Variants in HRH2 observed in about 807,000 individuals in gnomAD.
HRH2 encodes histamine H2 receptor.
Under a neutral mutation model 20.1 loss-of-function variants are expected in HRH2, and 4 were observed. The ratio of observed to expected loss-of-function variants is 0.20; its 90% CI spans 0.10 to 0.45. HRH2 has a LOEUF of 0.45. HRH2 is among the 20% of genes least tolerant of loss of function. The pLI, the probability that HRH2 is intolerant of heterozygous loss-of-function variation, is 0.99. For missense variants in HRH2, 250 were observed against 461.6 expected, an observed-to-expected ratio of 0.54 and a Z score of 4.20; for synonymous variants, 197 against 200.7, an observed-to-expected ratio of 0.98 and a Z score of 0.16.
chr5:175,680,257 C>T (rs1755916004), intron 1 of HRH2, among the ~76,000 whole-genome samples: 1 of 152,196 alleles, frequency 6.6e-6, no homozygotes, highest in South Asian at 2.1e-4. Flanking sequence ...ATCTAAGTGA[C>T]CTAGAGGGCC....
intron 2 of HRH2, among the ~76,000 whole-genome samples, chr5:175,694,166 G>T (rs975034880): frequency 6.6e-6 from 1 of 152,174 alleles, no homozygotes; most frequent in African/African-American, 2.4e-5. Flanking sequence ...GTGCCCAGGT[G>T]TAAGATACTT....
At chr5:175,679,299 AC>A (rs1755875458) in intron 1 of HRH2, among the ~76,000 whole-genome samples, 1 of 152,144 alleles carries the variant, frequency 6.6e-6, no homozygotes, top group African/African-American at 2.4e-5. Flanking sequence ...GATTAAAAAA[AC>A]ACCCCCTTTC....
intron 2 of HRH2, chr5:175,685,339 A>G (rs1756134256): frequency 1.4e-6 from 2 of 1,413,708 alleles, no homozygotes; most frequent in Non-Finnish European, 1.9e-6. Context: ...AGCAAATGAA[A>G]GAATGCTCAG....
chr5:175,674,222 G>T (rs957932082), intron 1 of HRH2, among the ~76,000 whole-genome samples: 3 of 152,052 alleles, frequency 2.0e-5, no homozygotes, highest in East Asian at 3.9e-4. Flanking sequence ...TCTGCGGCAG[G>T]GGGGGTCTGG....
chr5:175,697,801 C>T (rs1756653481), intron 2 of HRH2, among the ~76,000 whole-genome samples: 1 of 152,226 alleles, frequency 6.6e-6, no homozygotes, highest in Admixed American at 6.5e-5. Context: ...TCTCTTCAGC[C>T]CCATACTTCT....
chr5:175,669,453 T>A (rs1190680751), intron 1 of HRH2, among the ~76,000 whole-genome samples: 1 of 151,590 alleles, frequency 6.6e-6, no homozygotes, highest in African/African-American at 2.4e-5. Flanking sequence ...AACCTCCGCC[T>A]GCCAGGTTCA....
intron 1 of HRH2, among the ~76,000 whole-genome samples, chr5:175,678,918 G>A (rs1023228700): frequency 1.3e-5 from 2 of 152,214 alleles, no homozygotes; most frequent in Non-Finnish European, 2.9e-5. Flanking sequence ...CATAAACGTG[G>A]AGGGGGAGCA....
chr5:175,685,003 G>T (rs533425712), intron 2 of HRH2, among the ~76,000 whole-genome samples: 5 of 152,292 alleles, frequency 3.3e-5, no homozygotes, highest in Admixed American at 2.6e-4. Context: ...ACCAGAGGAT[G>T]AGACTGTAGA....
At chr5:175,668,112 G>A (rs1246963478) in intron 1 of HRH2, among the ~76,000 whole-genome samples, 2 of 152,228 alleles carry the variant, frequency 1.3e-5, no homozygotes, top group South Asian at 2.1e-4. Context: ...CTCCAGGGCT[G>A]GGACTGTGTG....
At chr5:175,700,506 G>A (rs1338488404) in intron 2 of HRH2, among the ~76,000 whole-genome samples, 1 of 152,206 alleles carries the variant, frequency 6.6e-6, no homozygotes, top group Non-Finnish European at 1.5e-5. Context: ...CCTCGGCAAA[G>A]GGGCTGCAGG....
chr5:175,700,598 G>C (rs1756762329), intron 2 of HRH2, among the ~76,000 whole-genome samples: 1 of 152,112 alleles, frequency 6.6e-6, no homozygotes, highest in African/African-American at 2.4e-5. Context: ...TATTGAAACA[G>C]GAGAAATTGG....
At chr5:175,705,208 T>G (rs943538640) in intron 2 of HRH2, among the ~76,000 whole-genome samples, 5 of 152,308 alleles carry the variant, frequency 3.3e-5, no homozygotes, top group Admixed American at 6.5e-5. Context: ...TCTGTATGGT[T>G]GAGAATAGGC....
At chr5:175,663,465 C>T (rs1762795982) in intron 1 of HRH2, among the ~76,000 whole-genome samples, 1 of 152,222 alleles carries the variant, frequency 6.6e-6, no homozygotes, top group Non-Finnish European at 1.5e-5. Flanking sequence ...CTTTGGAGAA[C>T]TGTCTATTCA....
chr5:175,658,773 G>A (rs1379198568), intron 1 of HRH2, among the ~76,000 whole-genome samples: 1 of 152,166 alleles, frequency 6.6e-6, no homozygotes, highest in Non-Finnish European at 1.5e-5. Flanking sequence ...CCTTGCTGGG[G>A]ACATCTGGAC....
intron 1 of HRH2, among the ~76,000 whole-genome samples, chr5:175,670,341 T>C (rs1286319324): frequency 6.6e-6 from 1 of 151,924 alleles, no homozygotes; most frequent in African/African-American, 2.4e-5. Context: ...TAAATGTTGC[T>C]TCTTAAAAAA....
intron 2 of HRH2, among the ~76,000 whole-genome samples, chr5:175,697,893 T>C (rs28701901): frequency 0.1 from 15,569 of 152,224 alleles, 2,515 homozygotes; most frequent in African/African-American, 0.34. Context: ...AAGAGCCTTG[T>C]CCACCTCCCC....
rs1756047581 is a variant in HRH2, at chr5:175,683,146, G to A, written c.-88G>A. 7.1e-7 allele frequency: 1 copy of A among 1,410,470 alleles called. No homozygotes were observed. The highest frequency in any genetic ancestry group is 9.6e-7 in the Non-Finnish European group (1 of 1,042,282). The allele number at this position is 1,410,470 out of a possible 1,614,324, so 87.4% of individuals were successfully genotyped here. ...ATTTTGGATCTGTTGGGAGCTTGGA[G>A]TCCAGTGGTTGGCATAGTTGTCACA... On this transcript the variant is annotated 5_prime_UTR_variant, in exon 2 of 3. Transcript: ENST00000636584.
chr5:175,679,735 G>A lies in HRH2; in HGVS notation c.-525-2974G>A, dbSNP rs1414110847. 2.6e-5 allele frequency among the ~76,000 whole-genome samples: 4 copies of A among 152,296 alleles called. No individual in the cohort carries two copies. The East Asian group carries it at 7.7e-4, about 29-fold the overall frequency. ...ACACACCAGGCATAGGGGATGCAAAGGCAGAGGAAGGAGGGAGAAGGTGTG... is the reference window on the plus strand; with the variant it reads ...ACACACCAGGCATAGGGGATGCAAAAGCAGAGGAAGGAGGGAGAAGGTGTG... On this transcript the variant is annotated intron_variant, in intron 1 of 2. Transcript: ENST00000636584.
rs1459432659 is a variant in HRH2, at chr5:175,677,765, G to A, written c.-525-4944G>A. The stretch of plus-strand genomic sequence containing the variant: ...TGAGAATGAGGAACTGGGCGGTGCC[G>A]GGCAGCCACCTGCTCCGGCCCACCC... On this transcript the variant is annotated intron_variant, in intron 1 of 2. Transcript: ENST00000636584. This position sits in a 1 kb window ranked among gnomAD's most constrained non-coding sequence, Gnocchi z 4.2. 1.3e-5 allele frequency among the ~76,000 whole-genome samples: 2 copies of A among 152,180 alleles called. No homozygotes were observed. Among genetic ancestry groups the A allele is most frequent in the Admixed American group, 6.5e-5 (1 of 15,288 alleles).
Sources: allele counts gnomAD v4.1 joint callset (sites outside exome capture counted in the v4.1 genomes callset), GRCh38; gene constraint gnomAD v4.1.1; non-coding constraint Gnocchi (gnomAD v3.1); transcripts MANE v1.5; gene names NCBI Gene and HGNC (gene_info 2026-07-23, HGNC 2026-07-21).